The following P2RY12 variants were observed in gnomAD, a reference collection of about 807,000 sequenced individuals.
P2RY12 encodes the protein purinergic receptor P2Y12.
A neutral mutation model predicts 4.5 loss-of-function variants in P2RY12; 3 were observed. That is an observed-to-expected ratio of 0.67 (90% CI 0.31 to 1.74). The LOEUF (loss-of-function observed/expected upper bound fraction) is 1.74. P2RY12 is among the 40% of genes most tolerant of loss of function. The pLI, the probability that P2RY12 is intolerant of heterozygous loss-of-function variation, is 0.09. For missense variants in P2RY12, 356 were observed against 407.8 expected (o/e 0.87, Z 1.09); for synonymous variants, 148 against 154.1 (o/e 0.96, Z 0.29).
intron 1 of P2RY12, among the ~76,000 whole-genome samples, chr3:151,363,869 T>C (rs549452840): frequency 2.8e-4 from 43 of 152,266 alleles, no homozygotes; most frequent in African/African-American, 9.4e-4. Flanking sequence ...TTGGTAAACA[T>C]TGAACTGAAC....
At chr3:151,355,660 T>G (rs943767873) in intron 1 of P2RY12, among the ~76,000 whole-genome samples, 1 of 152,260 alleles carries the variant, frequency 6.6e-6, no homozygotes, top group Non-Finnish European at 1.5e-5. Context: ...GTTCTACCAT[T>G]AGAATACTTA....
At chr3:151,374,068 C>T (rs1264831791) in intron 1 of P2RY12, among the ~76,000 whole-genome samples, 1 of 152,068 alleles carries the variant, frequency 6.6e-6, no homozygotes, top group Non-Finnish European at 1.5e-5. Context: ...TGTGTTTTCC[C>T]CTAATTCATA....
chr3:151,356,637 T>G (rs1753956930), intron 1 of P2RY12, among the ~76,000 whole-genome samples: 1 of 152,068 alleles, frequency 6.6e-6, no homozygotes, highest in Non-Finnish European at 1.5e-5. Context: ...TTTTTTGTTG[T>G]TGTTGTTGTT....
chr3:151,363,063 G>A (rs988293865), intron 1 of P2RY12, among the ~76,000 whole-genome samples: 1 of 151,994 alleles, frequency 6.6e-6, no homozygotes, highest in African/African-American at 2.4e-5. Flanking sequence ...GTGCAAATAG[G>A]TTAAATGAGG....
intron 1 of P2RY12, among the ~76,000 whole-genome samples, chr3:151,367,122 T>G (rs1276502354): frequency 6.6e-6 from 1 of 152,180 alleles, no homozygotes; most frequent in African/African-American, 2.4e-5. Context: ...CTGTCCTTTT[T>G]CTTCTTTTTA....
chr3:151,352,815 A>C (rs912898565), intron 1 of P2RY12, among the ~76,000 whole-genome samples: 1 of 152,214 alleles, frequency 6.6e-6, no homozygotes, highest in South Asian at 2.1e-4. Context: ...GAAGTTTACT[A>C]TGACAACCTT....
intron 2 of P2RY12, among the ~76,000 whole-genome samples, chr3:151,339,547 T>G (rs1477475529): frequency 1.3e-5 from 2 of 152,124 alleles, no homozygotes; most frequent in Non-Finnish European, 2.9e-5. Context: ...TTCAAATATT[T>G]TAACCCATGT....
rs1443298057 is a variant in P2RY12, at chr3:151,338,851, G to A, written c.-6C>T. 6.2e-7 allele frequency: 1 copy of A among 1,612,620 alleles called. No homozygotes were observed. Among genetic ancestry groups the A allele is most frequent in the South Asian group, 1.1e-5 (1 of 91,036 alleles). ...AGGTTGTCGACGGCTTGCATTTCTT[G>A]TTGGTTACCTAGAGAACAAAAGAGA... On this transcript the variant is annotated 5_prime_UTR_variant, in exon 3 of 3. Transcript: ENST00000302632.
chr3:151,337,723 A>T lies in P2RY12; in HGVS notation c.*94T>A. On this transcript the variant is annotated 3_prime_UTR_variant, in exon 3 of 3. Coordinates refer to ENST00000302632, the MANE Select transcript of P2RY12 (RefSeq NM_022788.5). ...TCTTTAGAGTCATTATTATTAACTT[A>T]GTTGCTTCTTCGTCAGTTAATATTT... 8.2e-7 allele frequency: 1 copy of T among 1,220,380 alleles called. No individual in the cohort carries two copies. The highest frequency in any genetic ancestry group is 1.2e-6 in the Non-Finnish European group (1 of 848,024). 75.6% of individuals were successfully genotyped at this position (1,220,380 alleles called of 1,614,324 possible).
chr3:151,362,530 T>G (rs1406875056), intron 1 of P2RY12, among the ~76,000 whole-genome samples: 1 of 152,068 alleles, frequency 6.6e-6, no homozygotes, highest in East Asian at 1.9e-4. Flanking sequence ...AGCACACCAT[T>G]TTAAATAGCA....
chr3:151,377,170 A>G (rs778625073), intron 1 of P2RY12: 2 of 1,605,520 alleles, frequency 1.2e-6, no homozygotes, highest in Non-Finnish European at 1.7e-6. Context: ...GAATAAAGAC[A>G]TTCCTAAGGT....
At chr3:151,359,377 C>A (rs996791401) in intron 1 of P2RY12, among the ~76,000 whole-genome samples, 2 of 152,124 alleles carry the variant, frequency 1.3e-5, no homozygotes, top group African/African-American at 4.8e-5. Flanking sequence ...CTTTTACCTG[C>A]TGCTAGGTAG....
At chr3:151,364,169 A>G (rs1020782171) in intron 1 of P2RY12, among the ~76,000 whole-genome samples, 1 of 152,198 alleles carries the variant, frequency 6.6e-6, no homozygotes, top group East Asian at 1.9e-4. Context: ...GGCTAAGTTT[A>G]TATAGAATCT....
At chr3:151,366,391 G>A (rs547793989) in intron 1 of P2RY12, among the ~76,000 whole-genome samples, 3 of 152,282 alleles carry the variant, frequency 2.0e-5, no homozygotes, top group Non-Finnish European at 4.4e-5. Flanking sequence ...ATATTTTTAA[G>A]TGCAAGGCGC....
intron 1 of P2RY12, among the ~76,000 whole-genome samples, chr3:151,347,517 A>G (rs150480135): frequency 2.6e-3 from 389 of 152,322 alleles, no homozygotes; most frequent in African/African-American, 8.7e-3. Flanking sequence ...GTTTTCAATA[A>G]ACTGGAGTGA....
chr3:151,357,129 G>C, intron 1 of P2RY12: 1 of 1,162,584 alleles, frequency 8.6e-7, no homozygotes, highest in Non-Finnish European at 1.2e-6. Flanking sequence ...TAATGACTCA[G>C]TATATCTATG....
chr3:151,383,691 AAAAC>A, intron 1 of P2RY12: 1 of 807,800 alleles, frequency 1.2e-6, no homozygotes, highest in Non-Finnish European at 2.0e-6. Context: ...TTTTAAATAA[AAAAC>A]AATCAAAATT....
At chr3:151,368,915 C>A (rs149527615) in intron 1 of P2RY12, among the ~76,000 whole-genome samples, 1 of 151,922 alleles carries the variant, frequency 6.6e-6, no homozygotes, top group East Asian at 1.9e-4. Flanking sequence ...GCATGCACCA[C>A]CATGCCTGGC....
At chr3:151,375,060 A>ATT in intron 1 of P2RY12, among the ~76,000 whole-genome samples, 1 of 152,368 alleles carries the variant, frequency 6.6e-6, no homozygotes, top group South Asian at 2.1e-4. Context: ...ACATAGTCAT[A>ATT]TAAGTATTGA....
Sources: gnomAD v4.1 joint callset for allele counts (sites outside exome capture counted in the v4.1 genomes callset) on GRCh38, gnomAD v4.1.1 for gene constraint, MANE v1.5 for transcripts, NCBI Gene and HGNC (gene_info 2026-07-23, HGNC 2026-07-21) for gene names.